The following PTPRM variants were observed in gnomAD, a reference collection of about 807,000 sequenced individuals.
PTPRM encodes the protein protein tyrosine phosphatase receptor type M.
Under a neutral mutation model 186.7 loss-of-function variants are expected in PTPRM, and 47 were observed. The observed-to-expected ratio is 0.25, with a 90% confidence interval of 0.20 to 0.32. The LOEUF (loss-of-function observed/expected upper bound fraction) is 0.32. Among genes scored for constraint, PTPRM ranks in the 10% least tolerant of loss-of-function variants. PTPRM has a pLI of 1.00. For missense variants in PTPRM, 1,494 were observed against 1,865.0 expected (o/e 0.80, Z 3.66); for synonymous variants, 668 against 674.9 (o/e 0.99, Z 0.16).
chr18:7,664,153 A>G (rs1418324174), intron 1 of PTPRM, among the ~76,000 whole-genome samples: 3 of 152,200 alleles, frequency 2.0e-5, no homozygotes, highest in African/African-American at 7.2e-5. Flanking sequence ...ACTCTGAAAC[A>G]TCATAGGCAT....
At chr18:7,927,845 A>G (rs1235076879) in intron 5 of PTPRM, among the ~76,000 whole-genome samples, 1 of 152,088 alleles carries the variant, frequency 6.6e-6, no homozygotes, top group East Asian at 1.9e-4. Flanking sequence ...GGATCAAGTG[A>G]TCCTCCTGCC....
intron 14 of PTPRM, among the ~76,000 whole-genome samples, chr18:8,165,855 C>G (rs1203696007): frequency 2.6e-5 from 4 of 152,274 alleles, no homozygotes; most frequent in South Asian, 2.1e-4. Flanking sequence ...CAGTTCCCCC[C>G]TTATGGGCTT....
chr18:8,152,799 C>A (rs2093040978), intron 14 of PTPRM, among the ~76,000 whole-genome samples: 1 of 148,372 alleles, frequency 6.7e-6, no homozygotes, highest in African/African-American at 2.5e-5. Flanking sequence ...CTCACTGCAA[C>A]CTCCGCCTCC....
rs544352564 is a variant in PTPRM, at chr18:8,283,021, C to T, written c.2755-13347C>T. On this transcript the variant is annotated intron_variant, in intron 19 of 32. Transcript: ENST00000580170. ...TTGTAGAATCTTCTTGAAATGTTAC[C>T]GAAATTAGAGAGATGAACAGTAGAC... 1.4e-4 allele frequency among the ~76,000 whole-genome samples: 21 copies of T among 152,146 alleles called. No homozygotes were observed. In the South Asian group the frequency reaches 1.9e-3, roughly 14 times the overall value.
chr18:8,136,706 C>T (rs1347055201), intron 13 of PTPRM, among the ~76,000 whole-genome samples: 2 of 151,902 alleles, frequency 1.3e-5, no homozygotes, highest in Admixed American at 1.3e-4. Context: ...CTTCGCATTC[C>T]CAGGAAGAAA....
At chr18:8,020,890 G>A (rs1453643980) in intron 7 of PTPRM, among the ~76,000 whole-genome samples, 1 of 152,192 alleles carries the variant, frequency 6.6e-6, no homozygotes, top group Non-Finnish European at 1.5e-5. Context: ...GTGTCGTTCT[G>A]TGTGGGACTC....
intron 1 of PTPRM, among the ~76,000 whole-genome samples, chr18:7,681,453 G>A (rs947594299): frequency 1.3e-5 from 2 of 152,046 alleles, no homozygotes; most frequent in Non-Finnish European, 2.9e-5. Flanking sequence ...CCTGATTAAT[G>A]TCGGGGCTGT....
intron 7 of PTPRM, among the ~76,000 whole-genome samples, chr18:8,000,120 C>G (rs1160383433): frequency 6.6e-6 from 1 of 152,212 alleles, no homozygotes; most frequent in East Asian, 1.9e-4. Flanking sequence ...GGAGGGCAAT[C>G]TGCTTTGCTC....
intron 1 of PTPRM, among the ~76,000 whole-genome samples, chr18:7,708,780 G>C (rs532772574): frequency 1.3e-5 from 2 of 152,124 alleles, no homozygotes; most frequent in African/African-American, 2.4e-5. Context: ...TATGAATACT[G>C]TGACGGTTAT....
At chr18:7,679,769 C>T (rs75023950) in intron 1 of PTPRM, among the ~76,000 whole-genome samples, 4,312 of 152,200 alleles carry the variant, frequency 0.028, 103 homozygotes, top group Non-Finnish European at 0.037. Flanking sequence ...TTATAATTGT[C>T]TCTAGTAGAT....
intron 14 of PTPRM, among the ~76,000 whole-genome samples, chr18:8,206,379 C>T (rs11081363): frequency 0.53 from 80,761 of 151,694 alleles, 22,632 homozygotes; most frequent in East Asian, 0.84. Context: ...CTCAGCCTCC[C>T]GAGTAGCTAC....
rs2085936024 is a variant in PTPRM, at chr18:8,031,084, TA to T, written c.1133-38600del. Among the ~76,000 whole-genome samples the T allele has an allele frequency of 2.0e-5, 3 of 152,240 alleles. No homozygotes were observed. In the South Asian group the frequency reaches 6.2e-4, roughly 31 times the overall value. ...CCATTCATTTGATCTTTGAGAAATT[TA>T]AGCAATTACTTAATATTTATTTTTG... On this transcript the variant is annotated intron_variant, in intron 7 of 32. Coordinates refer to ENST00000580170, the MANE Select transcript of PTPRM (RefSeq NM_001105244.2).
chr18:8,108,440 G>A (rs17475401), intron 11 of PTPRM, among the ~76,000 whole-genome samples: 8,072 of 152,100 alleles, frequency 0.053, 260 homozygotes, highest in Middle Eastern at 0.2. Context: ...ATGGTGAAAA[G>A]AAATACGATA....
rs966632877 is a variant in PTPRM at position 7,810,167 on chromosome 18, C to T, written c.196+35896C>T. ...CGCACCTACCCGCTGCCTTTGTCAC[C>T]GCCCCCACCACCTTTCTCGAGCTCT... On this transcript the variant is annotated intron_variant, in intron 2 of 32. Coordinates refer to ENST00000580170, the MANE Select transcript of PTPRM (RefSeq NM_001105244.2). Among the ~76,000 whole-genome samples, 7 of 152,290 alleles carry T rather than the reference C, an allele frequency of 4.6e-5. No homozygotes were observed. The East Asian group carries it at 7.7e-4, about 17-fold the overall frequency.
At chr18:8,296,717 A>G (rs1045813099) in intron 20 of PTPRM, among the ~76,000 whole-genome samples, 1 of 152,152 alleles carries the variant, frequency 6.6e-6, no homozygotes, top group Non-Finnish European at 1.5e-5. Context: ...GAGAAGGAAA[A>G]TGCATTTTGG....
At chr18:7,781,559 T>C (rs1348375477) in intron 2 of PTPRM, among the ~76,000 whole-genome samples, 2 of 152,192 alleles carry the variant, frequency 1.3e-5, no homozygotes, top group Non-Finnish European at 2.9e-5. Context: ...ACCCAGGTAG[T>C]GAGCATAGTC....
chr18:7,998,778 C>T (rs947313377), intron 7 of PTPRM, among the ~76,000 whole-genome samples: 5 of 152,110 alleles, frequency 3.3e-5, no homozygotes, highest in Admixed American at 6.6e-5. Flanking sequence ...CCTCAGCCTG[C>T]TGTGTAGCTA....
chr18:8,246,201 C>T (rs1245954601), intron 15 of PTPRM, among the ~76,000 whole-genome samples: 1 of 152,148 alleles, frequency 6.6e-6, no homozygotes, highest in Non-Finnish European at 1.5e-5. Context: ...GTTCCTTAGA[C>T]CACAAGGCTG....
intron 7 of PTPRM, among the ~76,000 whole-genome samples, chr18:7,962,731 A>G (rs1024546850): frequency 2.6e-5 from 4 of 152,212 alleles, no homozygotes; most frequent in Admixed American, 6.5e-5. Context: ...GAAAAAAGGA[A>G]ATAATTCTGG....
Sources: allele counts gnomAD v4.1 joint callset (sites outside exome capture counted in the v4.1 genomes callset), GRCh38; gene constraint gnomAD v4.1.1; transcripts MANE v1.5; gene names NCBI Gene and HGNC (gene_info 2026-07-23, HGNC 2026-07-21).